Variants in CCDC15 observed in about 807,000 individuals in gnomAD.
CCDC15 encodes the protein coiled-coil domain-containing protein 15.
In CCDC15, 105 loss-of-function variants were observed where a neutral mutation model predicts 114.5. The observed-to-expected ratio is 0.92, with a 90% CI of 0.78 to 1.08. The LOEUF (loss-of-function observed/expected upper bound fraction) is 1.08. Among genes scored for constraint, CCDC15 ranks in the 50% least tolerant of loss-of-function variants. The pLI is 0.00. For missense variants in CCDC15, 1,105 were observed against 1,093.6 expected, an observed-to-expected ratio of 1.01 and a Z score of -0.15; for synonymous variants, 334 against 377.8, an observed-to-expected ratio of 0.88 and a Z score of 1.34.
intron 4 of CCDC15, among the ~76,000 whole-genome samples, chr11:124,974,399 G>A (rs115642011): frequency 0.015 from 2,228 of 152,182 alleles, 58 homozygotes; most frequent in African/African-American, 0.044. Flanking sequence ...CAAAATAGCC[G>A]CATACTGAAA....
At chr11:125,005,346 A>T (rs1356428914) in intron 13 of CCDC15, 134 bp downstream of exon 13, 3 of 475,798 alleles carry the variant, frequency 6.3e-6, no homozygotes, top group African/African-American at 6.1e-5. Context: ...TGGGTGAAGT[A>T]TTGGAAGATG....
chr11:124,965,192 A>C lies in CCDC15; in HGVS notation c.516+5189A>C, dbSNP rs1947752256. Among the ~76,000 whole-genome samples the C allele has an allele frequency of 4.6e-5, 7 of 152,116 alleles. No homozygotes were observed. In the South Asian group the frequency reaches 1.5e-3, roughly 32 times the overall value. On this transcript the variant is annotated intron_variant, in intron 4 of 15. Transcript: ENST00000344762. ...GGGAGGATTCCCTCTTTTTCTATTG[A>C]TTGGAATAGTTTCAGAAGGAATGGT...
intron 6 of CCDC15, among the ~76,000 whole-genome samples, chr11:124,980,388 T>A (rs560022437): frequency 6.6e-6 from 1 of 152,316 alleles, no homozygotes; most frequent in African/African-American, 2.4e-5. Context: ...CAGCTATGAA[T>A]TTGTCTGGTC....
At chr11:124,996,282 C>T (rs998850827) in intron 11 of CCDC15, among the ~76,000 whole-genome samples, 3 of 152,188 alleles carry the variant, frequency 2.0e-5, no homozygotes, top group African/African-American at 7.2e-5. Flanking sequence ...CCTTAAACTT[C>T]CTGCTGCACC....
chr11:124,956,058 G>A (rs746336452), intron 2 of CCDC15, among the ~76,000 whole-genome samples: 1 of 152,146 alleles, frequency 6.6e-6, no homozygotes, highest in African/African-American at 2.4e-5. Context: ...ATCGATTGGA[G>A]TGGAAAGCTT....
intron 13 of CCDC15, among the ~76,000 whole-genome samples, chr11:125,037,727 A>G (rs909433429): frequency 6.6e-6 from 1 of 152,126 alleles, no homozygotes; most frequent in African/African-American, 2.4e-5. Context: ...CTGGTGTCCA[A>G]TGTCTTGAAA....
In CCDC15 at chr11:124,992,648, T is replaced by C; in HGVS notation, c.2100T>C (p.Val700=). ...EELPLDYHQY[V]VPKIQDQDSP... ...TGCCTCTGGACTATCATCAATATGT[T>C]GTACCTAAAATCCAGGACCAAGACT... Residue 700 remains valine (V), a synonymous_variant, in exon 10 of 16, where the codon GTT becomes GTC. Coordinates refer to ENST00000344762, the MANE Select transcript of CCDC15 (RefSeq NM_025004.3). The C allele has an allele frequency of 6.3e-7, 1 of 1,598,158 alleles. No individual in the cohort carries two copies. The highest frequency in any genetic ancestry group is 1.1e-5 in the South Asian group (1 of 87,902).
At chr11:124,991,738 C>A (rs1333668712) in intron 9 of CCDC15, among the ~76,000 whole-genome samples, 155 bp downstream of exon 9, 28 of 152,198 alleles carry the variant, frequency 1.8e-4, no homozygotes, top group Admixed American at 1.8e-3. Flanking sequence ...GGCTGGAGTG[C>A]AGTGGCACAA....
At chr11:125,038,763 C>A in intron 14 of CCDC15, 158 bp from the exon 15 acceptor site, 1 of 1,154,884 alleles carries the variant, frequency 8.7e-7, no homozygotes, top group Non-Finnish European at 1.2e-6. Context: ...CCTAATACTT[C>A]TTGGGTGTAG....
chr11:125,004,968 T>G (rs1290901500), intron 12 of CCDC15, 141 bp from the exon 13 acceptor site: 1 of 484,390 alleles, frequency 2.1e-6, no homozygotes, highest in Non-Finnish European at 3.7e-6. Context: ...CAGAAGGAAA[T>G]TAAAGACTTA....
At chr11:124,998,471 C>A (rs1230625717) in intron 11 of CCDC15, among the ~76,000 whole-genome samples, 2 of 152,066 alleles carry the variant, frequency 1.3e-5, no homozygotes, top group Non-Finnish European at 2.9e-5. Flanking sequence ...GACCTATTAC[C>A]TTTTTGTCTC....
At chr11:125,035,423 A>T (rs1051550017) in intron 13 of CCDC15, among the ~76,000 whole-genome samples, 1 of 151,660 alleles carries the variant, frequency 6.6e-6, no homozygotes, top group Non-Finnish European at 1.5e-5. Flanking sequence ...TTCTATTTGC[A>T]TGGAATATTT....
intron 4 of CCDC15, among the ~76,000 whole-genome samples, chr11:124,961,672 C>T (rs1053033946): frequency 6.6e-6 from 1 of 152,060 alleles, no homozygotes; most frequent in African/African-American, 2.4e-5. Flanking sequence ...GGGGTAGGTG[C>T]CTGCCACCAT....
Position 124,991,443 on chromosome 11 carries a change from T to C in CCDC15, c.1909-18T>C. 1 of 1,470,414 alleles carries C rather than the reference T, an allele frequency of 6.8e-7. No individual in the cohort carries two copies. Among genetic ancestry groups the C allele is most frequent in the Non-Finnish European group, 9.2e-7 (1 of 1,086,300 alleles). 91.1% of individuals were successfully genotyped at this position (1,470,414 alleles called of 1,614,324 possible). A position where few individuals can be genotyped will look rare whatever the true frequency, so the allele number is the denominator to read the frequency against. ...TCTTGCTAGACAATTTATAGTTTTTTATTATTTTATCTTTTAGAAAGTACA... is the reference window on the plus strand; with the variant it reads ...TCTTGCTAGACAATTTATAGTTTTTCATTATTTTATCTTTTAGAAAGTACA... On this transcript the variant is annotated intron_variant, in intron 8 of 15. Coordinates refer to ENST00000344762, the MANE Select transcript of CCDC15 (RefSeq NM_025004.3).
At chr11:125,039,169 T>A in intron 15 of CCDC15, 100 bp downstream of exon 15, 1 of 1,110,910 alleles carries the variant, frequency 9.0e-7, no homozygotes, top group Non-Finnish European at 1.3e-6. Flanking sequence ...GCTTACTATG[T>A]ATCAGAGACT....
intron 11 of CCDC15, among the ~76,000 whole-genome samples, chr11:125,003,092 G>C (rs377616076): frequency 6.6e-6 from 1 of 151,776 alleles, no homozygotes; most frequent in African/African-American, 2.4e-5. Flanking sequence ...GTATGTTTCA[G>C]AGTATAAAAT....
intron 4 of CCDC15, among the ~76,000 whole-genome samples, chr11:124,968,203 C>T (rs896291019): frequency 1.3e-5 from 2 of 152,226 alleles, no homozygotes; most frequent in African/African-American, 2.4e-5. Flanking sequence ...CAGACAGGGA[C>T]GTTTAAGTCT....
intron 5 of CCDC15, 41 bp from the exon 6 acceptor site, chr11:124,977,429 ATGTTGCTT>A (rs1196235665): frequency 2.0e-6 from 3 of 1,484,584 alleles, no homozygotes; most frequent in Non-Finnish European, 2.7e-6. Context: ...TCTCATGAAT[ATGTTGCTT>A]CCTCTAGACC....
chr11:125,032,940 G>A (rs4287349), intron 13 of CCDC15, among the ~76,000 whole-genome samples: 8,995 of 152,272 alleles, frequency 0.059, 334 homozygotes, highest in East Asian at 0.19. Context: ...AGTAGTCCCC[G>A]AAACGTCTGA....
Sources: gnomAD v4.1 joint callset for allele counts (sites outside exome capture counted in the v4.1 genomes callset) on GRCh38, gnomAD v4.1.1 for gene constraint, MANE v1.5 for transcripts, NCBI Gene and HGNC (gene_info 2026-07-23, HGNC 2026-07-21) for gene names.